The following FHIT variants were observed in gnomAD, a reference collection of about 807,000 sequenced individuals.
The protein encoded by FHIT is bis(5'-adenosyl)-triphosphatase.
Under a neutral mutation model 17.9 loss-of-function variants are expected in FHIT, and 19 were observed. The ratio of observed to expected loss-of-function variants is 1.06; its 90% CI spans 0.74 to 1.56. FHIT has a LOEUF of 1.56. Ranked by LOEUF, FHIT falls within the 40% of genes most tolerant of loss-of-function variation. The pLI is 0.00. For synonymous variants in FHIT, 81 were observed against 69.7 expected (o/e 1.16, Z -0.81); for missense variants, 248 against 189.2 (o/e 1.31, Z -1.82).
At chr3:59,923,248 A>C in intron 7 of FHIT, among the ~76,000 whole-genome samples, 1 of 142,658 alleles carries the variant, frequency 7.0e-6, no homozygotes, top group Non-Finnish European at 1.6e-5. Context: ...AAAAAAAAAA[A>C]AAAATCCCGT....
chr3:61,007,384 C>G (rs2031522981), intron 3 of FHIT, among the ~76,000 whole-genome samples: 1 of 152,170 alleles, frequency 6.6e-6, no homozygotes, highest in South Asian at 2.1e-4. Flanking sequence ...GCATTAACAA[C>G]AGTTTACTAG....
At chr3:60,190,185 G>C (rs561272853) in intron 5 of FHIT, among the ~76,000 whole-genome samples, 45 of 152,142 alleles carry the variant, frequency 3.0e-4, no homozygotes, top group Non-Finnish European at 5.9e-4. Flanking sequence ...AATTGTGATT[G>C]ACTGATGACA....
intron 5 of FHIT, among the ~76,000 whole-genome samples, chr3:60,277,649 T>C (rs192825832): frequency 1.6e-3 from 246 of 152,208 alleles, no homozygotes; most frequent in African/African-American, 5.9e-3. Flanking sequence ...CCTATGTAAA[T>C]CAGACACCGC....
intron 5 of FHIT, among the ~76,000 whole-genome samples, chr3:60,260,353 A>G (rs923021460): frequency 1.7e-5 from 2 of 117,000 alleles, no homozygotes; most frequent in South Asian, 2.8e-4. Context: ...GACTAAATTT[A>G]AAAAAAAAAA....
intron 5 of FHIT, among the ~76,000 whole-genome samples, chr3:60,440,248 A>G (rs1201281275): frequency 1.3e-5 from 2 of 152,102 alleles, no homozygotes; most frequent in Non-Finnish European, 2.9e-5. Flanking sequence ...CTTCCCAGTC[A>G]TCAGTTCCCA....
intron 5 of FHIT, among the ~76,000 whole-genome samples, chr3:60,149,876 C>T (rs1489948840): frequency 6.7e-6 from 1 of 150,216 alleles, no homozygotes; most frequent in African/African-American, 2.5e-5. Flanking sequence ...TCTACAGGAG[C>T]TATAATGAAA....
At chr3:60,050,798 C>G (rs750640615) in intron 5 of FHIT, among the ~76,000 whole-genome samples, 2 of 152,178 alleles carry the variant, frequency 1.3e-5, no homozygotes, top group Non-Finnish European at 2.9e-5. Flanking sequence ...TTCATGGCAC[C>G]TGAGAGCTGG....
chr3:59,902,654 A>G (rs968160326), intron 8 of FHIT, among the ~76,000 whole-genome samples: 2 of 152,224 alleles, frequency 1.3e-5, no homozygotes, highest in African/African-American at 4.8e-5. Flanking sequence ...AAAACATGAT[A>G]AAACTAGAAG....
intron 5 of FHIT, among the ~76,000 whole-genome samples, chr3:60,191,932 A>T (rs986506744): frequency 1.3e-5 from 2 of 152,046 alleles, no homozygotes; most frequent in Non-Finnish European, 2.9e-5. Context: ...AAAACAAACC[A>T]AAACACCTAC....
At position 60,992,752 on chromosome 3, in the gene FHIT, C is replaced by T. The variant is rs9825739; in HGVS notation, c.-111+49295G>A. 6.7e-3 allele frequency among the ~76,000 whole-genome samples: 1,026 copies of T among 152,260 alleles called. 6 individuals carry two copies. The highest frequency in any genetic ancestry group is 0.024 in the Middle Eastern group (7 of 294). Reference sequence around the variant, plus strand: ...AATTTGTCTGCATTAAATGAAAGTTCGAGGGGGCAGGATCACTTCTTTTTT... The same window carrying T: ...AATTTGTCTGCATTAAATGAAAGTTTGAGGGGGCAGGATCACTTCTTTTTT... On this transcript the variant is annotated intron_variant, in intron 3 of 9. Transcript: ENST00000492590.
chr3:61,224,440 GA>G (rs1218014675), intron 1 of FHIT, among the ~76,000 whole-genome samples: 1 of 152,006 alleles, frequency 6.6e-6, no homozygotes, highest in Non-Finnish European at 1.5e-5. Flanking sequence ...TATTGACATG[GA>G]ATCTCATTCT....
intron 7 of FHIT, among the ~76,000 whole-genome samples, chr3:59,958,843 A>G (rs1292688437): frequency 7.3e-5 from 11 of 151,394 alleles, no homozygotes; most frequent in Admixed American, 6.6e-4. Context: ...ATCTCCTGAG[A>G]ATCCCAACTT....
chr3:60,432,489 C>T (rs532662843), intron 5 of FHIT, among the ~76,000 whole-genome samples: 177 of 152,062 alleles, frequency 1.2e-3, no homozygotes, highest in African/African-American at 4.1e-3. Flanking sequence ...ATAGTGAAAC[C>T]GTGGTAAATA....
At chr3:59,916,423 T>C (rs1245279668) in intron 8 of FHIT, among the ~76,000 whole-genome samples, 1 of 152,162 alleles carries the variant, frequency 6.6e-6, no homozygotes, top group African/African-American at 2.4e-5. Flanking sequence ...TGGCCTATTG[T>C]GGGGCTTCAC....
At chr3:60,887,727 C>T (rs781977812) in intron 3 of FHIT, among the ~76,000 whole-genome samples, 37 of 151,992 alleles carry the variant, frequency 2.4e-4, no homozygotes, top group South Asian at 2.1e-4. Context: ...TGACTTCTGG[C>T]CAGAATGTAG....
chr3:59,964,266 G>A (rs971382882), intron 7 of FHIT, among the ~76,000 whole-genome samples: 2 of 152,084 alleles, frequency 1.3e-5, no homozygotes, highest in African/African-American at 4.8e-5. Context: ...TATGAAAAAG[G>A]AACATTTGAA....
intron 2 of FHIT, among the ~76,000 whole-genome samples, chr3:61,089,834 T>C (rs1422475397): frequency 6.6e-6 from 1 of 152,190 alleles, no homozygotes; most frequent in African/African-American, 2.4e-5. Context: ...CTTTCAACAG[T>C]GTTATCCAAA....
chr3:59,831,969 C>A (rs1701179429), intron 8 of FHIT, among the ~76,000 whole-genome samples: 1 of 152,066 alleles, frequency 6.6e-6, no homozygotes, highest in Non-Finnish European at 1.5e-5. Flanking sequence ...TGGGGACTCT[C>A]AACTACTGGT....
chr3:60,776,461 C>T (rs1553724491), intron 4 of FHIT, among the ~76,000 whole-genome samples: 1 of 152,182 alleles, frequency 6.6e-6, no homozygotes, highest in African/African-American at 2.4e-5. Context: ...AACTATTGGT[C>T]AAATGCAGGT....
Sources: gnomAD v4.1 joint callset for allele counts (sites outside exome capture counted in the v4.1 genomes callset) on GRCh38, gnomAD v4.1.1 for gene constraint, MANE v1.5 for transcripts, NCBI Gene and HGNC (gene_info 2026-07-23, HGNC 2026-07-21) for gene names.